The following SLC24A4 variants were observed in gnomAD, a reference collection of about 807,000 sequenced individuals.
The protein encoded by SLC24A4 is sodium/potassium/calcium exchanger 4.
In SLC24A4, 53 loss-of-function variants were observed where a neutral mutation model predicts 79.0. The ratio of observed to expected loss-of-function variants is 0.67; its 90% CI spans 0.54 to 0.84. The LOEUF (loss-of-function observed/expected upper bound fraction) is 0.84, where lower values mean the gene tolerates loss of function less well. Ranked by LOEUF, SLC24A4 falls within the 40% of genes least tolerant of loss-of-function variation. SLC24A4 has a pLI of 0.00. For synonymous variants in SLC24A4, 323 were observed against 323.8 expected (o/e 1.00, Z 0.03); for missense variants, 731 against 822.0 (o/e 0.89, Z 1.35).
chr14:92,371,430 TAAAC>T (rs1338094243), intron 2 of SLC24A4, among the ~76,000 whole-genome samples: 1 of 152,022 alleles, frequency 6.6e-6, no homozygotes, highest in Non-Finnish European at 1.5e-5. Context: ...AGGAGAGAGA[TAAAC>T]AACATAAAAT....
rs979315955 is a variant in SLC24A4 at position 92,419,470 on chromosome 14, A to C, written c.242-14442A>C. ...TAGAATGAGGAAGTACCTGGTGTCC[A>C]TGTTGGCAATGATGGAAGTCTCTCC... On this transcript the variant is annotated intron_variant, in intron 2 of 16. Coordinates refer to ENST00000532405, the MANE Select transcript of SLC24A4 (RefSeq NM_153646.4). Among the ~76,000 whole-genome samples the C allele has an allele frequency of 3.3e-5, 5 of 152,302 alleles. No individual in the cohort carries two copies. In the East Asian group the frequency reaches 7.7e-4, roughly 24 times the overall value.
chr14:92,460,205 G>C (rs61977303), intron 12 of SLC24A4, among the ~76,000 whole-genome samples: 9,950 of 152,230 alleles, frequency 0.065, 480 homozygotes, highest in Non-Finnish European at 0.097. Flanking sequence ...TCAAATCTCA[G>C]TTCTGCCACT....
intron 2 of SLC24A4, among the ~76,000 whole-genome samples, chr14:92,389,362 C>T (rs1411797659): frequency 4.6e-5 from 7 of 152,134 alleles, no homozygotes; most frequent in Non-Finnish European, 7.4e-5. Flanking sequence ...AACTGAGGCT[C>T]ATTGACATTT....
At chr14:92,359,250 A>C (rs1324988131) in intron 2 of SLC24A4, among the ~76,000 whole-genome samples, 2 of 152,030 alleles carry the variant, frequency 1.3e-5, no homozygotes, top group Non-Finnish European at 2.9e-5. Flanking sequence ...TCCACTCTTA[A>C]CACAGCCAGG....
At chr14:92,328,542 T>C (rs892681303) in intron 2 of SLC24A4, among the ~76,000 whole-genome samples, 3 of 152,154 alleles carry the variant, frequency 2.0e-5, no homozygotes, top group African/African-American at 7.2e-5. Context: ...GAAATAGAAA[T>C]TTAGTGGCTC....
chr14:92,361,258 A>C (rs1336703553), intron 2 of SLC24A4, among the ~76,000 whole-genome samples: 2 of 150,388 alleles, frequency 1.3e-5, no homozygotes, highest in East Asian at 4.0e-4. Context: ...AAATGCAAAA[A>C]TGTTCCCTGT....
intron 2 of SLC24A4, among the ~76,000 whole-genome samples, chr14:92,359,561 T>C (rs1351522740): frequency 6.6e-6 from 1 of 151,838 alleles, no homozygotes; most frequent in East Asian, 1.9e-4. Flanking sequence ...ATCGCACCAT[T>C]ACACTCCCAC....
intron 12 of SLC24A4, among the ~76,000 whole-genome samples, chr14:92,470,870 C>G (rs1220875979): frequency 2.0e-5 from 3 of 152,236 alleles, no homozygotes; most frequent in African/African-American, 7.2e-5. Context: ...CACATGGTGG[C>G]AGGTTCCCTG....
chr14:92,336,128 G>A (rs996970900), intron 2 of SLC24A4, among the ~76,000 whole-genome samples: 2 of 151,882 alleles, frequency 1.3e-5, no homozygotes, highest in South Asian at 4.1e-4. Context: ...TCCAGAGAGC[G>A]CCCACTCGGC....
intron 2 of SLC24A4, among the ~76,000 whole-genome samples, chr14:92,364,866 G>A (rs967329137): frequency 6.6e-6 from 1 of 152,218 alleles, no homozygotes; most frequent in South Asian, 2.1e-4. Flanking sequence ...TGCCTCATTA[G>A]TGTTTGCTAA....
rs147184466 is a variant in SLC24A4 at position 92,333,075 on chromosome 14, C to T, written c.241+7097C>T. Reference sequence around the variant, plus strand: ...CATGATTTCCCCCTCTCTAACACTGCCTTTATCCCCAACTTCTGGGTTTAA... The same window carrying T: ...CATGATTTCCCCCTCTCTAACACTGTCTTTATCCCCAACTTCTGGGTTTAA... On this transcript the variant is annotated intron_variant, in intron 2 of 16. Transcript: ENST00000532405. Among the ~76,000 whole-genome samples, 1,078 of 152,250 alleles carry T rather than the reference C, an allele frequency of 7.1e-3. 9 individuals carry two copies. The highest frequency in any genetic ancestry group is 0.027 in the Middle Eastern group (8 of 294).
At chr14:92,432,824 CT>C (rs1891950146) in intron 2 of SLC24A4, among the ~76,000 whole-genome samples, 1 of 152,060 alleles carries the variant, frequency 6.6e-6, no homozygotes, top group South Asian at 2.1e-4. Flanking sequence ...ATTTTCAGAG[CT>C]TAGGGCCCAA....
At chr14:92,352,386 C>T (rs1000561543) in intron 2 of SLC24A4, among the ~76,000 whole-genome samples, 10 of 152,116 alleles carry the variant, frequency 6.6e-5, no homozygotes, top group African/African-American at 2.4e-4. Flanking sequence ...ATGGTATAGC[C>T]GTACAGGTGA....
intron 2 of SLC24A4, among the ~76,000 whole-genome samples, chr14:92,360,970 T>A (rs934325138): frequency 6.6e-6 from 1 of 152,192 alleles, no homozygotes; most frequent in African/African-American, 2.4e-5. Flanking sequence ...GAATAAGCAG[T>A]CAAGCCTTTT....
chr14:92,391,343 TC>T (rs936988499), intron 2 of SLC24A4, among the ~76,000 whole-genome samples: 3 of 152,190 alleles, frequency 2.0e-5, no homozygotes, highest in African/African-American at 7.2e-5. Flanking sequence ...GTTTTGTGTG[TC>T]CCAGCCCAAC....
chr14:92,438,702 T>C (rs1437019464), intron 3 of SLC24A4, among the ~76,000 whole-genome samples: 1 of 152,284 alleles, frequency 6.6e-6, no homozygotes, highest in African/African-American at 2.4e-5. Context: ...TCCCTAAGCA[T>C]ACGACCCTCC....
intron 2 of SLC24A4, among the ~76,000 whole-genome samples, chr14:92,397,352 G>A (rs1306354973): frequency 6.6e-6 from 1 of 152,190 alleles, no homozygotes; most frequent in Non-Finnish European, 1.5e-5. Context: ...CATGTGGAGC[G>A]ACCATCTGTG....
chr14:92,416,326 C>T (rs1011864552), intron 2 of SLC24A4, among the ~76,000 whole-genome samples: 2 of 152,136 alleles, frequency 1.3e-5, no homozygotes, highest in African/African-American at 2.4e-5. Context: ...GCTCTGTGTG[C>T]TCTACCCCAA....
chr14:92,482,878 G>A (rs774682742), intron 13 of SLC24A4, 32 bp downstream of exon 13: 1 of 1,585,480 alleles, frequency 6.3e-7, no homozygotes, highest in East Asian at 2.3e-5. Flanking sequence ...TGGACTGTGT[G>A]CACAGCCAGG....
Sources: allele counts gnomAD v4.1 joint callset (sites outside exome capture counted in the v4.1 genomes callset), GRCh38; gene constraint gnomAD v4.1.1; transcripts MANE v1.5; gene names NCBI Gene and HGNC (gene_info 2026-07-23, HGNC 2026-07-21).